SYNPR: variants seen among roughly 807,000 people sequenced by gnomAD.
SYNPR encodes synaptoporin.
SYNPR carries 23 observed loss-of-function variants against 32.9 expected under a neutral mutation model. That is an observed-to-expected ratio of 0.70 (90% CI 0.50 to 0.99). The LOEUF is 0.99. Ranked by LOEUF, SYNPR falls within the 50% of genes least tolerant of loss-of-function variation. SYNPR has a pLI of 0.00. For synonymous variants in SYNPR, 146 were observed against 135.9 expected (o/e 1.07, Z -0.52); for missense variants, 318 against 349.3 (o/e 0.91, Z 0.71).
chr3:63,312,415 C>T (rs2086975771), intron 2 of SYNPR, among the ~76,000 whole-genome samples: 1 of 151,990 alleles, frequency 6.6e-6, no homozygotes, highest in South Asian at 2.1e-4. Flanking sequence ...AGCTCTCTCT[C>T]TTGCTCATGT....
chr3:63,551,386 A>C (rs562978494), intron 3 of SYNPR, among the ~76,000 whole-genome samples: 28 of 152,204 alleles, frequency 1.8e-4, no homozygotes, highest in Non-Finnish European at 3.5e-4. Context: ...ACTCTTGTAC[A>C]AGATTTTGTG....
upstream of SYNPR, among the ~76,000 whole-genome samples, chr3:63,274,137 T>C (rs2086557099): frequency 6.6e-6 from 1 of 152,232 alleles, no homozygotes; most frequent in Non-Finnish European, 1.5e-5. Flanking sequence ...TTATTTTAGA[T>C]TTCATAACAT....
chr3:63,443,573 A>G, intron 2 of SYNPR: 1 of 1,315,766 alleles, frequency 7.6e-7, no homozygotes, highest in East Asian at 2.5e-5. Flanking sequence ...CTTTCCAAGT[A>G]TCAGTTTTTA....
intron 2 of SYNPR, among the ~76,000 whole-genome samples, chr3:63,336,455 C>T (rs1003117040): frequency 8.0e-6 from 1 of 124,278 alleles, no homozygotes; most frequent in East Asian, 2.6e-4. Flanking sequence ...AGTCTCAATG[C>T]AATCCAATGG....
At chr3:63,470,097 ACT>A (rs1336358590) in intron 2 of SYNPR, among the ~76,000 whole-genome samples, 2 of 152,116 alleles carry the variant, frequency 1.3e-5, no homozygotes, top group African/African-American at 4.8e-5. Context: ...CGAGATTCTG[ACT>A]CTAACTTCTA....
intron 2 of SYNPR, among the ~76,000 whole-genome samples, chr3:63,479,767 T>C (rs1177218139): frequency 6.6e-6 from 1 of 152,126 alleles, no homozygotes; most frequent in Non-Finnish European, 1.5e-5. Context: ...ATCAATGCTA[T>C]TTTTCAGTGA....
At position 63,377,798 on chromosome 3, in the gene SYNPR, A is replaced by C. The variant is rs2087914579; in HGVS notation, c.84+99056A>C. Among the ~76,000 whole-genome samples the C allele has an allele frequency of 2.6e-5, 4 of 152,216 alleles. No homozygotes were observed. The Middle Eastern group carries it at 0.01, about 388-fold the overall frequency. On this transcript the variant is annotated intron_variant, in intron 2 of 5. Coordinates refer to ENST00000478300, the MANE Select transcript of SYNPR (RefSeq NM_001130003.2). ...CTCTTACTGCCAAGTTGAATCTTTA[A>C]TAAAACAAGTATAATGGAAATTAGG...
intron 3 of SYNPR, among the ~76,000 whole-genome samples, chr3:63,515,221 A>T (rs1361196680): frequency 6.6e-6 from 1 of 152,022 alleles, no homozygotes; most frequent in Non-Finnish European, 1.5e-5. Flanking sequence ...AGCTTATGAT[A>T]TATCAGACTT....
In SYNPR at chr3:63,614,849, C is replaced by T. The variant is rs1449734435; in HGVS notation, c.601-375C>T. Among the ~76,000 whole-genome samples the T allele has an allele frequency of 2.0e-5, 3 of 152,128 alleles. No homozygotes were observed. The East Asian group carries it at 5.8e-4, about 29-fold the overall frequency. On this transcript the variant is annotated intron_variant, in intron 5 of 5. Coordinates refer to ENST00000478300, the MANE Select transcript of SYNPR (RefSeq NM_001130003.2). ...ACTTTATTTGGAGAATAAGTGATGC[C>T]TTAAGTAAGGTTTCCAGTTATGGAA...
intron 4 of SYNPR, among the ~76,000 whole-genome samples, chr3:63,559,216 T>C (rs189392762): frequency 1.6e-3 from 250 of 151,946 alleles, no homozygotes; most frequent in African/African-American, 5.7e-3. Context: ...GCAGGGACTA[T>C]AGGCGCACAC....
intron 2 of SYNPR, among the ~76,000 whole-genome samples, chr3:63,404,317 G>A (rs2088330765): frequency 6.6e-6 from 1 of 152,146 alleles, no homozygotes; most frequent in Non-Finnish European, 1.5e-5. Context: ...TGTTACTAAG[G>A]AAATTACAGT....
In SYNPR at chr3:63,561,654, T is replaced by C. The variant is rs368659900; in HGVS notation, c.408+4913T>C. Reference sequence around the variant, plus strand: ...ATCTGGAGATATGGAATGACAGCCATGCATCTGTCGTACTAGAACTACTAG... The same window carrying C: ...ATCTGGAGATATGGAATGACAGCCACGCATCTGTCGTACTAGAACTACTAG... On this transcript the variant is annotated intron_variant, in intron 4 of 5. Coordinates refer to ENST00000478300, the MANE Select transcript of SYNPR (RefSeq NM_001130003.2). 3.3e-5 allele frequency: 5 copies of C among 152,328 alleles called. No homozygotes were observed. The East Asian group carries it at 5.8e-4, about 18-fold the overall frequency. 9.4% of individuals were successfully genotyped at this position (152,328 alleles called of 1,614,324 possible).
At chr3:63,494,772 A>G (rs1434635700) in intron 3 of SYNPR, among the ~76,000 whole-genome samples, 2 of 152,020 alleles carry the variant, frequency 1.3e-5, no homozygotes, top group African/African-American at 2.4e-5. Context: ...GTAAGTGGCA[A>G]GGCCATACTT....
intron 3 of SYNPR, among the ~76,000 whole-genome samples, chr3:63,481,175 CA>C (rs11349566): frequency 0.26 from 38,651 of 146,606 alleles, 5,153 homozygotes; most frequent in East Asian, 0.44. Flanking sequence ...TGACTCTCCT[CA>C]AAAAAAAAGA....
chr3:63,363,343 A>G (rs967494796), intron 2 of SYNPR, among the ~76,000 whole-genome samples: 1 of 152,218 alleles, frequency 6.6e-6, no homozygotes, highest in African/African-American at 2.4e-5. Context: ...TCTCTCTTGC[A>G]TGTTAAAACC....
chr3:63,244,144 G>T (rs924675646), intron 1 of SYNPR, among the ~76,000 whole-genome samples: 1 of 152,056 alleles, frequency 6.6e-6, no homozygotes, highest in African/African-American at 2.4e-5. Context: ...CAGAGCTCAG[G>T]GGGCAAGGTC....
the SYNPR span, among the ~76,000 whole-genome samples, chr3:63,202,870 C>A: frequency 6.6e-6 from 1 of 151,848 alleles, no homozygotes; most frequent in Non-Finnish European, 1.5e-5. Flanking sequence ...CCAAAACAGA[C>A]TTCTCAGAAC....
chr3:63,512,424 G>A (rs1701714414), intron 3 of SYNPR, among the ~76,000 whole-genome samples: 1 of 152,122 alleles, frequency 6.6e-6, no homozygotes, highest in African/African-American at 2.4e-5. Context: ...ACCTGACATG[G>A]CAAAAGAGAA....
At chr3:63,346,073 C>T (rs2087433361) in intron 2 of SYNPR, among the ~76,000 whole-genome samples, 1 of 152,144 alleles carries the variant, frequency 6.6e-6, no homozygotes, top group Non-Finnish European at 1.5e-5. Context: ...TCTCAGCCTC[C>T]CAAAATGCTA....
Sources: allele counts gnomAD v4.1 joint callset (sites outside exome capture counted in the v4.1 genomes callset), GRCh38; gene constraint gnomAD v4.1.1; transcripts MANE v1.5; gene names NCBI Gene and HGNC (gene_info 2026-07-23, HGNC 2026-07-21).